The following OR51B5 variants were observed in gnomAD, a reference collection of about 807,000 sequenced individuals.
OR51B5 encodes the protein olfactory receptor 51B5.
For synonymous variants in OR51B5, 186 were observed against 144.8 expected, an observed-to-expected ratio of 1.28 and a Z score of -2.04; for missense variants, 456 against 374.6, an observed-to-expected ratio of 1.22 and a Z score of -1.79.
At chr11:5,388,592 C>A (rs1468743391) in intron 1 of OR51B5, among the ~76,000 whole-genome samples, 1 of 147,564 alleles carries the variant, frequency 6.8e-6, no homozygotes. Context: ...TCATTAACAC[C>A]GTGAATATAC....
chr11:5,414,602 T>A (rs944019965), intron 1 of OR51B5, among the ~76,000 whole-genome samples: 1 of 130,962 alleles, frequency 7.6e-6, no homozygotes, highest in African/African-American at 2.7e-5. Flanking sequence ...ACCAAGCAAA[T>A]GGAAAACAAA....
upstream of OR51B5, chr11:5,343,754 C>A: frequency 5.0e-6 from 2 of 401,762 alleles, no homozygotes; most frequent in Non-Finnish European, 8.8e-6. Context: ...TAATCAAATT[C>A]TTGGAGTTTC....
At chr11:5,354,170 T>TACTGCTCTCTGTA (rs369449933) in intron 1 of OR51B5, among the ~76,000 whole-genome samples, 3 of 152,184 alleles carry the variant, frequency 2.0e-5, no homozygotes, top group African/African-American at 7.2e-5. Flanking sequence ...TTCTGTCTGT[T>TACTGCTCTCTGTA]ACTGCTCTCT....
intron 1 of OR51B5, among the ~76,000 whole-genome samples, chr11:5,374,367 C>T (rs1248687573): frequency 6.6e-6 from 1 of 152,076 alleles, no homozygotes; most frequent in Non-Finnish European, 1.5e-5. Context: ...GTAGATACAA[C>T]CACAAAGTTG....
At chr11:5,342,602 T>G (rs758174001) in exon 1 of OR51B5, 2 of 1,588,820 alleles carry the variant, frequency 1.3e-6, no homozygotes, top group Admixed American at 1.8e-5. Flanking sequence ...TCCAATTCTA[T>G]GGGTAGTAAA....
intron 1 of OR51B5, among the ~76,000 whole-genome samples, chr11:5,409,526 A>T (rs1482270809): frequency 6.6e-6 from 1 of 152,186 alleles, no homozygotes; most frequent in Non-Finnish European, 1.5e-5. Context: ...AATCTATCAA[A>T]ATAAATGCAT....
At chr11:5,439,025 G>C (rs916480140) in intron 1 of OR51B5, among the ~76,000 whole-genome samples, 2 of 152,128 alleles carry the variant, frequency 1.3e-5, no homozygotes, top group Admixed American at 6.6e-5. Context: ...TGTGTACAGT[G>C]AAGTTCCATT....
chr11:5,356,396 T>G (rs1259634150), intron 1 of OR51B5, among the ~76,000 whole-genome samples: 9 of 151,064 alleles, frequency 6.0e-5, no homozygotes, highest in African/African-American at 2.2e-4. Context: ...ATCAAATGAA[T>G]GAAATGAAGC....
At chr11:5,422,414 G>A in intron 1 of OR51B5, 10 of 1,614,104 alleles carry the variant, frequency 6.2e-6, no homozygotes, top group Non-Finnish European at 8.5e-6. Flanking sequence ...GGCCCTGACG[G>A]ACCTGGGTCT....
intron 1 of OR51B5, among the ~76,000 whole-genome samples, chr11:5,435,867 CA>C (rs1850585386): frequency 6.6e-6 from 1 of 152,146 alleles, no homozygotes; most frequent in African/African-American, 2.4e-5. Context: ...ATACTTTGTA[CA>C]GACTTTTTCT....
chr11:5,475,084 G>A (rs997716299), intron 1 of OR51B5, among the ~76,000 whole-genome samples: 4 of 152,032 alleles, frequency 2.6e-5, no homozygotes, highest in Non-Finnish European at 5.9e-5. Flanking sequence ...ATATTTTTCT[G>A]CTTTACTGAC....
At chr11:5,493,052 T>G (rs1482734637) in intron 1 of OR51B5, among the ~76,000 whole-genome samples, 3 of 152,212 alleles carry the variant, frequency 2.0e-5, no homozygotes. Context: ...TTGAGTTTGA[T>G]AAAGGAATAT....
chr11:5,343,456 G>A lies in OR51B5; in HGVS notation c.69C>T (p.His23=), dbSNP rs1283628392. 3 of 1,583,512 alleles carry A rather than the reference G, an allele frequency of 1.9e-6. No homozygotes were observed. The African/African-American group carries it at 4.0e-5, about 21-fold the overall frequency. ...TGAACAAGAAAAATACGGAAATCCA[G>A]TGATGAGCTTCCTCCAAGCCTGGAA... is the stretch of plus-strand genomic sequence containing the variant. The change falls in exon 1 of 1, where the codon CAC becomes CAT. Residue 23 remains histidine, a synonymous_variant. Transcript: ENST00000300773.
downstream of OR51B5, chr11:5,341,253 G>GAGCTT (rs1452164750): frequency 6.6e-6 from 1 of 152,142 alleles, no homozygotes; most frequent in Non-Finnish European, 1.5e-5. Context: ...ACTGAAGCTG[G>GAGCTT]AGCTTAGCTT....
intron 1 of OR51B5, among the ~76,000 whole-genome samples, chr11:5,451,908 CA>C (rs1418418864): frequency 2.0e-5 from 3 of 152,090 alleles, no homozygotes; most frequent in African/African-American, 7.2e-5. Context: ...GCAATGAACA[CA>C]AAAGTGTGTC....
chr11:5,357,645 T>C (rs1849215889), intron 1 of OR51B5, among the ~76,000 whole-genome samples: 1 of 151,318 alleles, frequency 6.6e-6, no homozygotes. Flanking sequence ...GCGGACCTAA[T>C]AGACATCTAC....
intron 1 of OR51B5, chr11:5,422,400 T>C: frequency 1.9e-6 from 3 of 1,614,198 alleles, no homozygotes; most frequent in Middle Eastern, 3.3e-4. Flanking sequence ...TTTCTCTCCA[T>C]GCTGGCCCTG....
rs752700199 is a variant in OR51B5, at chr11:5,343,520, G to A, written c.5C>T (p.Ser2Leu). ...GAAGGGATGGGAGCTGCCGCTGGACGACATCCTGGGTTTATATAGAAGAAA... is the reference window on the plus strand; with the variant it reads ...GAAGGGATGGGAGCTGCCGCTGGACAACATCCTGGGTTTATATAGAAGAAA... Residue 2 changes from serine to leucine, a missense_variant, in exon 1 of 1, where the codon TCG (serine) becomes TTG (leucine). Ser to Leu is a moderately radical substitution (Grantham distance 145). Transcript: ENST00000300773. 3.3e-5 allele frequency: 29 copies of A among 879,218 alleles called. No individual in the cohort carries two copies. Among genetic ancestry groups the A allele is most frequent in the African/African-American group, 1.2e-4 (7 of 59,760 alleles). The allele number at this position is 879,218 out of a possible 1,614,324, so 54.5% of individuals were successfully genotyped here.
chr11:5,499,896 G>A (rs1304269155), intron 1 of OR51B5, among the ~76,000 whole-genome samples: 2 of 152,178 alleles, frequency 1.3e-5, no homozygotes, highest in African/African-American at 2.4e-5. Context: ...ATTCCCATCT[G>A]TGACTAGGAC....
Sources: gnomAD v4.1 joint callset for allele counts (sites outside exome capture counted in the v4.1 genomes callset) on GRCh38, gnomAD v4.1.1 for gene constraint, MANE v1.5 for transcripts, NCBI Gene and HGNC (gene_info 2026-07-23, HGNC 2026-07-21) for gene names.